CSMD3: variants seen among roughly 807,000 people sequenced by gnomAD.
The protein encoded by CSMD3 is CUB and sushi domain-containing protein 3.
Under a neutral mutation model 435.2 loss-of-function variants are expected in CSMD3, and 177 were observed. That is an observed-to-expected ratio of 0.41 (90% confidence interval 0.36 to 0.46). The LOEUF is 0.46. Among genes scored for constraint, CSMD3 ranks in the 20% least tolerant of loss-of-function variants. The pLI is 0.34. For missense variants in CSMD3, 4,265 were observed against 4,504.6 expected (o/e 0.95, Z 1.52); for synonymous variants, 1,656 against 1,520.5 (o/e 1.09, Z -2.07).
chr8:112,851,121 T>C (rs1399460186), intron 11 of CSMD3, among the ~76,000 whole-genome samples: 1 of 152,194 alleles, frequency 6.6e-6, no homozygotes, highest in African/African-American at 2.4e-5. Context: ...CAGCTTGTTA[T>C]ATTCCTTATA....
At chr8:112,382,305 A>T (rs569693045) in intron 37 of CSMD3, among the ~76,000 whole-genome samples, 8 of 151,630 alleles carry the variant, frequency 5.3e-5, no homozygotes, top group African/African-American at 1.7e-4. Context: ...AAAAAAAAAA[A>T]AATTAATAAT....
intron 27 of CSMD3, among the ~76,000 whole-genome samples, chr8:112,546,712 C>T (rs2131168012): frequency 6.6e-6 from 1 of 152,260 alleles, no homozygotes; most frequent in Non-Finnish European, 1.5e-5. Context: ...AAGCTGACTA[C>T]TGAGAAGTGA....
At chr8:113,140,309 G>A (rs961731473) in intron 4 of CSMD3, among the ~76,000 whole-genome samples, 6 of 150,358 alleles carry the variant, frequency 4.0e-5, no homozygotes, top group South Asian at 2.1e-4. Flanking sequence ...CACAATTATC[G>A]TTGGGAGTTT....
chr8:112,650,555 A>G (rs916775608), intron 18 of CSMD3, among the ~76,000 whole-genome samples: 17 of 152,340 alleles, frequency 1.1e-4, no homozygotes, highest in South Asian at 6.2e-4. Flanking sequence ...ATTTAATTAC[A>G]TAAGAACTTG....
At chr8:113,195,332 C>T (rs528506009) in intron 3 of CSMD3, among the ~76,000 whole-genome samples, 7 of 149,680 alleles carry the variant, frequency 4.7e-5, no homozygotes, top group African/African-American at 1.7e-4. Context: ...ATTGAAAGAG[C>T]TGAGATCTAG....
intron 38 of CSMD3, among the ~76,000 whole-genome samples, chr8:112,373,575 G>T (rs1165935045): frequency 6.6e-6 from 1 of 151,998 alleles, no homozygotes; most frequent in Admixed American, 6.6e-5. Context: ...TCTTCCAGAG[G>T]CTGTATATCT....
At chr8:113,026,261 G>T (rs1382754388) in intron 5 of CSMD3, among the ~76,000 whole-genome samples, 1 of 152,208 alleles carries the variant, frequency 6.6e-6, no homozygotes, top group Non-Finnish European at 1.5e-5. Context: ...GCTCATCCCA[G>T]CAGGGGGAAC....
intron 1 of CSMD3, among the ~76,000 whole-genome samples, chr8:113,329,204 A>AAAATAAATAAATCAAT: frequency 6.9e-6 from 1 of 143,978 alleles, no homozygotes; most frequent in South Asian, 2.2e-4. Context: ...TTAAAGAATG[A>AAAATAAATAAATCAAT]AAATAAATAA....
chr8:112,787,521 C>T (rs1156452041), intron 13 of CSMD3, among the ~76,000 whole-genome samples: 4 of 152,042 alleles, frequency 2.6e-5, no homozygotes, highest in Non-Finnish European at 5.9e-5. Context: ...CAATAGCCAA[C>T]ATTTGGAATC....
intron 28 of CSMD3, among the ~76,000 whole-genome samples, chr8:112,514,111 T>C (rs1563642709): frequency 6.6e-6 from 1 of 152,162 alleles, no homozygotes; most frequent in Admixed American, 6.6e-5. Flanking sequence ...CAGTCTCATC[T>C]CAAACTCCTG....
At chr8:113,097,472 T>C (rs2090200320) in intron 5 of CSMD3, among the ~76,000 whole-genome samples, 1 of 152,032 alleles carries the variant, frequency 6.6e-6, no homozygotes, top group South Asian at 2.1e-4. Context: ...ATCATCCTTC[T>C]AAGTCCAGGA....
chr8:113,336,749 C>T (rs1447456580), intron 1 of CSMD3, among the ~76,000 whole-genome samples: 2 of 152,048 alleles, frequency 1.3e-5, no homozygotes, highest in East Asian at 1.9e-4. Flanking sequence ...CAGCAGGAAG[C>T]AGAAGAAGCA....
intron 5 of CSMD3, among the ~76,000 whole-genome samples, chr8:113,022,454 C>G (rs182829959): frequency 6.6e-6 from 1 of 151,706 alleles, no homozygotes; most frequent in South Asian, 2.1e-4. Flanking sequence ...TGGTTTTATA[C>G]AGTAAAATTA....
chr8:113,053,498 G>C (rs1269112645), intron 5 of CSMD3, among the ~76,000 whole-genome samples: 1 of 151,842 alleles, frequency 6.6e-6, no homozygotes, highest in Non-Finnish European at 1.5e-5. Context: ...TTATTGACTT[G>C]CTGACCTTTG....
intron 10 of CSMD3, among the ~76,000 whole-genome samples, chr8:112,884,974 G>T (rs920443404): frequency 1.3e-5 from 2 of 151,604 alleles, no homozygotes; most frequent in Admixed American, 6.6e-5. Flanking sequence ...CCTCTGGAAA[G>T]CTGTCCCTGA....
At chr8:113,123,783 A>G (rs1588116072) in intron 4 of CSMD3, among the ~76,000 whole-genome samples, 1 of 151,954 alleles carries the variant, frequency 6.6e-6, no homozygotes, top group Admixed American at 6.6e-5. Flanking sequence ...TACATTTACT[A>G]TCTTAGTGGA....
chr8:112,302,990 A>G lies in CSMD3; in HGVS notation c.8267-1024T>C, dbSNP rs189295196. Among the ~76,000 whole-genome samples, 76 of 151,998 alleles carry G rather than the reference A, an allele frequency of 5.0e-4. No homozygotes were observed. In the Middle Eastern group the frequency reaches 0.014, roughly 28 times the overall value. The stretch of plus-strand genomic sequence containing the variant: ...TTCCTAAATTCCTTGCCATTCCCTC[A>G]TTCTTACCTGTAGGCAGTAACCCAA... On this transcript the variant is annotated intron_variant, in intron 52 of 70. Transcript: ENST00000297405.
At chr8:112,796,506 G>C (rs112573398) in intron 13 of CSMD3, among the ~76,000 whole-genome samples, 2,066 of 152,038 alleles carry the variant, frequency 0.014, 27 homozygotes, top group Middle Eastern at 0.044. Context: ...AATATGCAAG[G>C]CTCTTCATAA....
At chr8:112,899,933 T>C (rs934067720) in intron 10 of CSMD3, among the ~76,000 whole-genome samples, 2 of 151,072 alleles carry the variant, frequency 1.3e-5, no homozygotes, top group East Asian at 2.0e-4. Flanking sequence ...TTTTATTTGT[T>C]AGAATAAAGT....
Sources: gnomAD v4.1 joint callset for allele counts (sites outside exome capture counted in the v4.1 genomes callset) on GRCh38, gnomAD v4.1.1 for gene constraint, MANE v1.5 for transcripts, NCBI Gene and HGNC (gene_info 2026-07-23, HGNC 2026-07-21) for gene names.